The following L3MBTL3 variants were observed in gnomAD, a reference collection of about 807,000 sequenced individuals.
The protein encoded by L3MBTL3 is L3MBTL histone methyl-lysine binding protein 3, also known as lethal(3)malignant brain tumor-like protein 3.
In L3MBTL3, 27 loss-of-function variants were observed where a neutral mutation model predicts 102.3. The observed-to-expected ratio is 0.26, with a 90% CI of 0.19 to 0.36. The LOEUF (loss-of-function observed/expected upper bound fraction) is 0.36, where lower values mean the gene tolerates loss of function less well. Ranked by LOEUF, L3MBTL3 falls within the 10% of genes least tolerant of loss-of-function variation. The pLI is 1.00. For synonymous variants in L3MBTL3, 340 were observed against 320.9 expected, an observed-to-expected ratio of 1.06 and a Z score of -0.64; for missense variants, 798 against 955.3, an observed-to-expected ratio of 0.84 and a Z score of 2.17.
intron 8 of L3MBTL3, among the ~76,000 whole-genome samples, chr6:130,055,498 C>CCCTCTCTCCCTG (rs1216376872): frequency 1.5e-4 from 21 of 143,274 alleles, no homozygotes; most frequent in Non-Finnish European, 2.0e-4. Context: ...CTCTCTCCCT[C>CCCTCTCTCCCTG]CCTCTCTCCC....
intron 19 of L3MBTL3, among the ~76,000 whole-genome samples, chr6:130,115,713 G>A (rs1258258476): frequency 2.0e-5 from 3 of 152,116 alleles, no homozygotes; most frequent in African/African-American, 7.2e-5. Flanking sequence ...CCATTCAAGT[G>A]GATTCCACTG....
intron 18 of L3MBTL3, among the ~76,000 whole-genome samples, chr6:130,099,988 T>A (rs1784585406): frequency 5.3e-5 from 8 of 152,180 alleles, no homozygotes; most frequent in Admixed American, 5.2e-4. Context: ...AAGTTCATTG[T>A]CATGGGTTAG....
intron 2 of L3MBTL3, among the ~76,000 whole-genome samples, chr6:130,031,694 T>C (rs1779732857): frequency 6.6e-6 from 1 of 152,184 alleles, no homozygotes; most frequent in African/African-American, 2.4e-5. Context: ...GGGTATCCTC[T>C]GGAAAGAGGG....
intron 20 of L3MBTL3, among the ~76,000 whole-genome samples, chr6:130,132,119 C>T (rs974563880): frequency 6.6e-6 from 1 of 152,116 alleles, no homozygotes; most frequent in Non-Finnish European, 1.5e-5. Context: ...AACTCAGATG[C>T]TCATTGTTCA....
rs368284708 is a variant in L3MBTL3, at chr6:130,049,745, T to C, written c.215-11T>C. On this transcript the variant is annotated splice_polypyrimidine_tract_variant and intron_variant, in intron 4 of 22. Transcript: ENST00000361794. ...CCTATATGCTGATGACTCCTAAATC[T>C]ACATCTCCAGCCCCGACCTCTCCCC... 1.9e-6 allele frequency: 3 copies of C among 1,613,974 alleles called. No homozygotes were observed. The highest frequency in any genetic ancestry group is 1.6e-4 in the Middle Eastern group (1 of 6,062).
chr6:130,062,041 G>A (rs1460480073), intron 10 of L3MBTL3, among the ~76,000 whole-genome samples: 1 of 152,202 alleles, frequency 6.6e-6, no homozygotes, highest in Non-Finnish European at 1.5e-5. Context: ...GAAGCCGTAA[G>A]TATAGACTGC....
rs767433382 is a variant in L3MBTL3, at chr6:130,133,510, C to T, written c.2025C>T (p.Ser675=). ...AGCGTCGGTCAGCTGTCTTTCTGTCCTTTAAGTCCCCAATTCCATGTCTGC... is the reference window on the plus strand; with the variant it reads ...AGCGTCGGTCAGCTGTCTTTCTGTCTTTTAAGTCCCCAATTCCATGTCTGC... The part of the protein sequence containing the change: ...QAQRRSAVFL[S]FKSPIPCLPL... The change falls in exon 21 of 23, where the codon TCC becomes TCT. Residue 675 remains serine (S), a synonymous_variant. Coordinates refer to ENST00000361794, the MANE Select transcript of L3MBTL3 (RefSeq NM_032438.4). The surrounding 1 kb of genome is among the most constrained non-coding windows in gnomAD (Gnocchi z 4.9). 1 of 1,614,170 alleles carries T rather than the reference C, an allele frequency of 6.2e-7. No homozygotes were observed. The highest frequency in any genetic ancestry group is 2.2e-5 in the East Asian group (1 of 44,868).
chr6:130,108,324 T>C, intron 19 of L3MBTL3, among the ~76,000 whole-genome samples: 1 of 136,584 alleles, frequency 7.3e-6, no homozygotes, highest in South Asian at 2.6e-4. Context: ...AACCTCCGCC[T>C]CCCAGGTTCA....
chr6:130,114,721 A>T (rs1333687365), intron 19 of L3MBTL3, among the ~76,000 whole-genome samples: 2 of 152,246 alleles, frequency 1.3e-5, no homozygotes, highest in Non-Finnish European at 2.9e-5. Context: ...GGTGATGTTT[A>T]TGAAAACATA....
intron 10 of L3MBTL3, among the ~76,000 whole-genome samples, chr6:130,060,665 G>C (rs940876502): frequency 2.7e-5 from 4 of 149,910 alleles, no homozygotes; most frequent in Non-Finnish European, 5.9e-5. Context: ...TTGCCATACT[G>C]TGTTCCTTAA....
At chr6:130,135,722 C>T (rs552336818) in intron 22 of L3MBTL3, among the ~76,000 whole-genome samples, 11 of 152,198 alleles carry the variant, frequency 7.2e-5, no homozygotes, top group African/African-American at 1.7e-4. Context: ...TATTCTCTGT[C>T]GATATGAATT....
chr6:130,076,034 A>G (rs972861756), intron 13 of L3MBTL3, among the ~76,000 whole-genome samples: 2 of 152,114 alleles, frequency 1.3e-5, no homozygotes, highest in African/African-American at 2.4e-5. Context: ...ACTCGGGCTG[A>G]TGAGGTTTGG....
At chr6:130,079,473 C>T (rs183932877) in intron 14 of L3MBTL3, among the ~76,000 whole-genome samples, 259 of 152,236 alleles carry the variant, frequency 1.7e-3, no homozygotes, top group Non-Finnish European at 2.6e-3. Context: ...TCTGCGGTTT[C>T]TTCATAATCA....
At chr6:130,129,276 A>AT (rs1403294821) in intron 20 of L3MBTL3, among the ~76,000 whole-genome samples, 10 of 152,122 alleles carry the variant, frequency 6.6e-5, no homozygotes, top group Admixed American at 1.3e-4. Context: ...CACTGAGAAA[A>AT]TTTTTTAAAA....
intron 2 of L3MBTL3, among the ~76,000 whole-genome samples, chr6:130,028,718 T>C (rs1161034148): frequency 6.6e-6 from 1 of 152,218 alleles, no homozygotes; most frequent in African/African-American, 2.4e-5. Flanking sequence ...TAGCAATGTG[T>C]GTTTGTTGAG....
At chr6:130,102,120 TG>T (rs1784733476) in intron 18 of L3MBTL3, among the ~76,000 whole-genome samples, 1 of 151,864 alleles carries the variant, frequency 6.6e-6, no homozygotes, top group Non-Finnish European at 1.5e-5. Flanking sequence ...AAGGCACCTC[TG>T]TTACCACCAA....
intron 13 of L3MBTL3, 52 bp downstream of exon 13, chr6:130,071,179 A>T (rs758184150): frequency 3.1e-5 from 47 of 1,523,390 alleles, no homozygotes; most frequent in Non-Finnish European, 4.1e-5. Flanking sequence ...TATCCAAGTA[A>T]ATGGTTTGAA....
At chr6:130,137,461 G>A (rs930709802) in intron 22 of L3MBTL3, among the ~76,000 whole-genome samples, 1 of 152,212 alleles carries the variant, frequency 6.6e-6, no homozygotes, top group African/African-American at 2.4e-5. Context: ...ATGGCCACAT[G>A]TCAGAGCAAC....
Position 130,126,600 on chromosome 6 carries a change from C to T in L3MBTL3, c.1966+5642C>T, listed in dbSNP as rs147151140. 5.7e-3 allele frequency among the ~76,000 whole-genome samples: 872 copies of T among 152,246 alleles called. 11 individuals carry two copies. Among genetic ancestry groups the T allele is most frequent in the African/African-American group, 0.02 (828 of 41,526 alleles). ...TCTTTTTACAAAGGTATTTTCTCTG[C>T]ATCACTTTCTTCTACCCTAAGCCAA... On this transcript the variant is annotated intron_variant, in intron 20 of 22. Coordinates refer to ENST00000361794, the MANE Select transcript of L3MBTL3 (RefSeq NM_032438.4).
Sources: allele counts gnomAD v4.1 joint callset (sites outside exome capture counted in the v4.1 genomes callset), GRCh38; gene constraint gnomAD v4.1.1; non-coding constraint Gnocchi (gnomAD v3.1); transcripts MANE v1.5; gene names NCBI Gene and HGNC (gene_info 2026-07-23, HGNC 2026-07-21).